The following PCM1 variants were observed in gnomAD, a reference collection of about 807,000 sequenced individuals.
The protein encoded by PCM1 is pericentriolar material 1, also known as pericentriolar material 1 protein.
PCM1 carries 157 observed loss-of-function variants against 241.9 expected under a neutral mutation model. The observed-to-expected ratio is 0.65, with a 90% CI of 0.57 to 0.74. The LOEUF (loss-of-function observed/expected upper bound fraction) is 0.74, where lower values mean the gene tolerates loss of function less well. Among genes scored for constraint, PCM1 ranks in the 30% least tolerant of loss-of-function variants. PCM1 has a pLI of 0.00. For missense variants in PCM1, 3,478 were observed against 2,360.1 expected, an observed-to-expected ratio of 1.47 and a Z score of -9.81; for synonymous variants, 1,085 against 784.9, an observed-to-expected ratio of 1.38 and a Z score of -6.39.
rs1180282227 is a variant in PCM1 at position 17,989,905 on chromosome 8, A to C, written c.4457A>C (p.Glu1486Ala). 6.5e-7 allele frequency: 1 copy of C among 1,547,006 alleles called. No homozygotes were observed. The highest frequency in any genetic ancestry group is 8.7e-7 in the Non-Finnish European group (1 of 1,143,908). Residue 1486 changes from glutamate (E) to alanine (A), a missense_variant, in exon 27 of 39, where the codon GAG becomes GCG. Glu to Ala is a moderately radical substitution (Grantham distance 107, BLOSUM62 -1). Coordinates refer to ENST00000325083, the MANE Select transcript of PCM1 (RefSeq NM_006197.4). ...GAAAGAGAAACCCATAAAATAAGTGAGCAAAATGATGCTGATAATGCTAGT... is the reference window on the plus strand; with the variant it reads ...GAAAGAGAAACCCATAAAATAAGTGCGCAAAATGATGCTGATAATGCTAGT... Reference protein sequence around the residue: ...NFERETHKISEQNDADNASVL... With the variant: ...NFERETHKISAQNDADNASVL...
chr8:17,960,572 T>A (rs1355582112), intron 15 of PCM1, 128 bp downstream of exon 15: 1 of 616,168 alleles, frequency 1.6e-6, no homozygotes, highest in African/African-American at 2.0e-5. Flanking sequence ...TTGCCCAGGC[T>A]GAAGTGCAGT....
At chr8:18,022,109 C>T (rs1039356198) in intron 36 of PCM1, among the ~76,000 whole-genome samples, 4 of 152,108 alleles carry the variant, frequency 2.6e-5, no homozygotes, top group African/African-American at 9.7e-5. Context: ...TGCAGCAAAA[C>T]TTCAGGGTTT....
chr8:17,981,158 C>G (rs543966512), intron 24 of PCM1, among the ~76,000 whole-genome samples: 66 of 152,280 alleles, frequency 4.3e-4, no homozygotes, highest in African/African-American at 1.4e-3. Flanking sequence ...TCCTTCCTGC[C>G]TCTCCAGACT....
chr8:17,958,739 G>A (rs1459016281), intron 13 of PCM1, among the ~76,000 whole-genome samples: 1 of 151,722 alleles, frequency 6.6e-6, no homozygotes, highest in Non-Finnish European at 1.5e-5. Context: ...TTTATTTTTT[G>A]GGGACAAGGT....
In PCM1 at chr8:18,022,820, C is replaced by T. The variant is rs138355818; in HGVS notation, c.5842-2541C>T. 5.7e-3 allele frequency among the ~76,000 whole-genome samples: 873 copies of T among 152,214 alleles called. 10 individuals carry two copies. The highest frequency in any genetic ancestry group is 0.02 in the African/African-American group (840 of 41,504). On this transcript the variant is annotated intron_variant, in intron 36 of 38. Coordinates refer to ENST00000325083, the MANE Select transcript of PCM1 (RefSeq NM_006197.4). ...TACCCTTGACTATATTAGTAGAGAACGGACTGAAACTGACATTGGTTCAAA... is the reference window on the plus strand; with the variant it reads ...TACCCTTGACTATATTAGTAGAGAATGGACTGAAACTGACATTGGTTCAAA...
chr8:17,967,157 A>G lies in PCM1; in HGVS notation c.3399A>G (p.Ser1133=), dbSNP rs745548607. ...LFNIPGFTNF[S]SFAPGMNFSP... The stretch of plus-strand genomic sequence containing the variant: ...ATATACCTGGATTTACTAACTTTTC[A>G]TCATTTGCACCAGGTAGGTGACTTA... Residue 1133 remains serine (S), a synonymous_variant, in exon 21 of 39, where the codon TCA becomes TCG. Coordinates refer to ENST00000325083, the MANE Select transcript of PCM1 (RefSeq NM_006197.4). 3.1e-6 allele frequency: 5 copies of G among 1,590,822 alleles called. No individual in the cohort carries two copies. Among genetic ancestry groups the G allele is most frequent in the South Asian group, 2.3e-5 (2 of 87,560 alleles).
At position 17,964,697 on chromosome 8, in the gene PCM1, T is replaced by A; in HGVS notation, c.2784T>A (p.Asn928Lys). 5 of 1,613,924 alleles carry A rather than the reference T, an allele frequency of 3.1e-6. No homozygotes were observed. The highest frequency in any genetic ancestry group is 4.2e-6 in the Non-Finnish European group (5 of 1,179,806). The change falls in exon 18 of 39, where the codon AAT becomes AAA. Residue 928 changes from asparagine to lysine, a missense_variant. By Grantham distance (94) the Asn-to-Lys change is moderately conservative (BLOSUM62 0). Coordinates refer to ENST00000325083, the MANE Select transcript of PCM1 (RefSeq NM_006197.4). ...AAGAAGAGCAAGATGCCAGTTCCAA[T>A]GATAACTTTTCTGTGTGTCCTTCTA... is the stretch of plus-strand genomic sequence containing the variant. ...EEEEEQDASS[N>K]DNFSVCPSNS... is the part of the protein sequence containing the mutation.
intron 16 of PCM1, 180 bp downstream of exon 16, chr8:17,962,354 AAGAT>A (rs1172709786): frequency 1.3e-5 from 4 of 318,724 alleles, no homozygotes; most frequent in African/African-American, 2.1e-5. Context: ...TAATATAAGA[AAGAT>A]AAAACATTTT....
intron 36 of PCM1, 59 bp downstream of exon 36, chr8:18,014,899 A>T: frequency 7.1e-7 from 1 of 1,412,640 alleles, no homozygotes; most frequent in Non-Finnish European, 9.5e-7. Flanking sequence ...ATATTTCTTC[A>T]TTTTCAGATT....
Position 18,029,657 on chromosome 8 carries a change from A to C in PCM1, c.*1995A>C, listed in dbSNP as rs1194094152. The C allele has an allele frequency of 5.0e-6, 1 of 200,326 alleles. No individual in the cohort carries two copies. The highest frequency in any genetic ancestry group is 2.3e-5 in the African/African-American group (1 of 43,496). 12.4% of individuals were successfully genotyped at this position (200,326 alleles called of 1,614,324 possible). The stretch of plus-strand genomic sequence containing the variant: ...TTTTAGTAGATAATTTAGTTTTAAA[A>C]TACGTAGGGTTTGAGAGCAGATATA... On this transcript the variant is annotated 3_prime_UTR_variant, in exon 39 of 39. Coordinates refer to ENST00000325083, the MANE Select transcript of PCM1 (RefSeq NM_006197.4).
At chr8:17,952,792 G>C (rs111298416) in intron 8 of PCM1, among the ~76,000 whole-genome samples, 178 bp from the exon 9 acceptor site, 14 of 152,090 alleles carry the variant, frequency 9.2e-5, no homozygotes, top group African/African-American at 2.9e-4. Flanking sequence ...TATGTTAATA[G>C]TGGCATATCA....
rs2089584977 is a variant in PCM1 at position 18,001,941 on chromosome 8, T to C, written c.4828-4322T>C. ...AAACACGTAGCCTTGTTCTGGGCAA[T>C]TGCAACAGTTCCTAAATGGCCTTAC... On this transcript the variant is annotated intron_variant, in intron 29 of 38. Coordinates refer to ENST00000325083, the MANE Select transcript of PCM1 (RefSeq NM_006197.4). Among the ~76,000 whole-genome samples the C allele has an allele frequency of 2.0e-5, 3 of 149,372 alleles. No individual in the cohort carries two copies. In the South Asian group the frequency reaches 6.6e-4, roughly 33 times the overall value.
rs754339102 is a variant in PCM1 at position 17,969,589 on chromosome 8, G to A, written c.3425G>A (p.Ser1142Asn). The A allele has an allele frequency of 6.2e-7, 1 of 1,602,846 alleles. No individual in the cohort carries two copies. The highest frequency in any genetic ancestry group is 8.5e-7 in the Non-Finnish European group (1 of 1,174,484). Residue 1142 changes from serine to asparagine, a missense_variant, in exon 22 of 39, where the codon AGC (serine) becomes AAC (asparagine). Ser to Asn is a conservative substitution (Grantham distance 46). Transcript: ENST00000325083. ...FSSFAPGMNF[S>N]PLFPSNFGDF... ...TTTTACTGATTAGGTATGAATTTCA[G>A]CCCTTTATTTCCTTCTAATTTTGGA...
intron 15 of PCM1, among the ~76,000 whole-genome samples, chr8:17,961,304 C>CTTTTTTTTTTTTTTTT (rs35468848): frequency 2.5e-5 from 2 of 79,140 alleles, no homozygotes; most frequent in African/African-American, 5.3e-5. Context: ...TATTGGCTAG[C>CTTTTTTTTTTTTTTTT]TTTTTTTTTT....
intron 2 of PCM1, among the ~76,000 whole-genome samples, chr8:17,932,742 A>T (rs1585686841): frequency 6.6e-6 from 1 of 152,098 alleles, no homozygotes; most frequent in African/African-American, 2.4e-5. Flanking sequence ...TTCTAAATTT[A>T]GTAAGTTCTC....
chr8:17,938,958 T>G lies in PCM1; in HGVS notation c.561T>G (p.Cys187Trp). Residue 187 changes from cysteine to tryptophan, a missense_variant, in exon 5 of 39, where the codon TGT becomes TGG. Transcript: ENST00000325083. ...TAAGTAATGACCTCTTGCAAAACTG[T>G]CAGGTGTCTGAAGAAGATGGGAGGG... Reference protein sequence around the residue: ...SALSNDLLQNCQVSEEDGRGE... With the variant: ...SALSNDLLQNWQVSEEDGRGE... The G allele has an allele frequency of 6.2e-7, 1 of 1,613,744 alleles. No individual in the cohort carries two copies. The highest frequency in any genetic ancestry group is 1.6e-4 in the Middle Eastern group (1 of 6,062).
At chr8:17,963,701 A>T (rs1275531314) in intron 17 of PCM1, among the ~76,000 whole-genome samples, 1 of 152,142 alleles carries the variant, frequency 6.6e-6, no homozygotes, top group Non-Finnish European at 1.5e-5. Context: ...TATTATAATC[A>T]TTTAGTTTTT....
chr8:17,990,269 G>C (rs188825647), intron 27 of PCM1, among the ~76,000 whole-genome samples: 147 of 152,068 alleles, frequency 9.7e-4, no homozygotes, highest in Admixed American at 9.6e-3. Context: ...TTCAGAAAAT[G>C]TTAATTTCCT....
intron 10 of PCM1, 128 bp downstream of exon 10, chr8:17,955,781 G>T: frequency 2.7e-6 from 2 of 739,890 alleles, no homozygotes; most frequent in South Asian, 1.6e-5. Context: ...TTAAGGGATA[G>T]GTAGAAGAGG....
Sources: allele counts gnomAD v4.1 joint callset (sites outside exome capture counted in the v4.1 genomes callset), GRCh38; gene constraint gnomAD v4.1.1; transcripts MANE v1.5; gene names NCBI Gene and HGNC (gene_info 2026-07-23, HGNC 2026-07-21).